MTUS2: variants seen among roughly 807,000 people sequenced by gnomAD.
MTUS2 encodes the protein microtubule associated scaffold protein 2.
MTUS2 carries 40 observed loss-of-function variants against 114.1 expected under a neutral mutation model. The ratio of observed to expected loss-of-function variants is 0.35; its 90% CI spans 0.27 to 0.46. The LOEUF is 0.46. MTUS2 is among the 20% of genes least tolerant of loss of function. The pLI is 1.00. For synonymous variants in MTUS2, 688 were observed against 672.0 expected, an observed-to-expected ratio of 1.02 and a Z score of -0.37; for missense variants, 1,679 against 1,705.4, an observed-to-expected ratio of 0.98 and a Z score of 0.27.
chr13:29,414,769 T>C (rs1875543906), intron 8 of MTUS2, among the ~76,000 whole-genome samples: 1 of 152,134 alleles, frequency 6.6e-6, no homozygotes, highest in Non-Finnish European at 1.5e-5. Flanking sequence ...GTAAGTCTAC[T>C]GGTTTTCTAT....
At chr13:28,861,703 T>C (rs1043074562) in intron 2 of MTUS2, among the ~76,000 whole-genome samples, 2 of 152,178 alleles carry the variant, frequency 1.3e-5, no homozygotes, top group African/African-American at 4.8e-5. Flanking sequence ...AGGCACTTGG[T>C]TGGTACTTAC....
intron 13 of MTUS2, 116 bp downstream of exon 13, chr13:29,497,452 G>A: frequency 1.2e-6 from 1 of 844,716 alleles, no homozygotes; most frequent in Non-Finnish European, 1.9e-6. Context: ...CGCTGCTGAA[G>A]TGACAGCTGG....
rs557474715 is a variant in MTUS2, at chr13:29,073,964, G to A, written c.2447-26809G>A. 3.3e-5 allele frequency among the ~76,000 whole-genome samples: 5 copies of A among 152,186 alleles called. No homozygotes were observed. The South Asian group carries it at 8.3e-4, about 25-fold the overall frequency. Reference sequence around the variant, plus strand: ...CAACTAATCATTCAGCAAGACCTGCGAATTCTGTAACTTAATCCATCCGCT... The same window carrying A: ...CAACTAATCATTCAGCAAGACCTGCAAATTCTGTAACTTAATCCATCCGCT... On this transcript the variant is annotated intron_variant, in intron 4 of 15. Transcript: ENST00000612955.
intron 5 of MTUS2, among the ~76,000 whole-genome samples, chr13:29,211,578 A>G (rs1895440271): frequency 1.3e-5 from 2 of 152,210 alleles, no homozygotes; most frequent in Admixed American, 6.5e-5. Flanking sequence ...CCTGAGAGAC[A>G]AAAGCAGAAA....
chr13:29,112,860 G>C (rs1311602296), intron 5 of MTUS2, among the ~76,000 whole-genome samples: 1 of 152,126 alleles, frequency 6.6e-6, no homozygotes, highest in Non-Finnish European at 1.5e-5. Context: ...TTTGTCCCAG[G>C]TAATTAAGAA....
chr13:29,024,481 T>A lies in MTUS2; in HGVS notation c.-218T>A. On this transcript the variant is annotated 5_prime_UTR_variant, in exon 3 of 16. Transcript: ENST00000612955. ...GGTCTCATGGACTGATTGGCTCTCA[T>A]TCAGCAGGAACCTAACAGATAAGTC... 5.2e-6 allele frequency: 3 copies of A among 572,598 alleles called. No homozygotes were observed. Among genetic ancestry groups the A allele is most frequent in the Non-Finnish European group, 9.1e-6 (3 of 328,872 alleles). The allele number at this position is 572,598 out of a possible 1,614,324, so 35.5% of individuals were successfully genotyped here.
At chr13:29,227,530 T>C (rs939122976) in intron 5 of MTUS2, among the ~76,000 whole-genome samples, 6 of 152,198 alleles carry the variant, frequency 3.9e-5, no homozygotes, top group African/African-American at 1.4e-4. Context: ...AGGCAATCTC[T>C]TGAATTTGCT....
chr13:29,298,295 G>C (rs895505474), intron 6 of MTUS2, among the ~76,000 whole-genome samples: 2 of 152,162 alleles, frequency 1.3e-5, no homozygotes, highest in African/African-American at 4.8e-5. Flanking sequence ...TATTATTTGA[G>C]TTCCTCTCTA....
intron 5 of MTUS2, among the ~76,000 whole-genome samples, chr13:29,185,882 G>A (rs559923731): frequency 5.3e-5 from 8 of 152,232 alleles, no homozygotes; most frequent in Admixed American, 4.6e-4. Context: ...GAATAAAAAG[G>A]ACATTATAGA....
chr13:29,017,859 C>T (rs760662817), intron 2 of MTUS2, among the ~76,000 whole-genome samples: 6 of 152,066 alleles, frequency 3.9e-5, no homozygotes, highest in African/African-American at 9.7e-5. Context: ...TTCAGCCTAG[C>T]GAGCTCATAA....
chr13:29,289,411 G>T (rs911701211), intron 6 of MTUS2, among the ~76,000 whole-genome samples: 1 of 152,044 alleles, frequency 6.6e-6, no homozygotes, highest in Non-Finnish European at 1.5e-5. Flanking sequence ...TACTCCATGG[G>T]GTTGTTCTGA....
At chr13:28,960,778 G>C (rs937276755) in intron 2 of MTUS2, among the ~76,000 whole-genome samples, 5 of 152,144 alleles carry the variant, frequency 3.3e-5, no homozygotes, top group Non-Finnish European at 5.9e-5. Flanking sequence ...TTAGGTAGTG[G>C]TAGTTGTTGC....
At chr13:29,396,752 T>C (rs1873943275) in intron 8 of MTUS2, among the ~76,000 whole-genome samples, 1 of 152,206 alleles carries the variant, frequency 6.6e-6, no homozygotes, top group African/African-American at 2.4e-5. Context: ...AAGGTTTTCA[T>C]CCTTGTTCAG....
At chr13:29,384,717 G>A (rs4769734) in intron 8 of MTUS2, among the ~76,000 whole-genome samples, 91,609 of 152,030 alleles carry the variant, frequency 0.6, 29,081 homozygotes, top group East Asian at 0.73. Context: ...CACTGCTGAC[G>A]TCCAATGCTT....
chr13:28,849,483 C>T (rs569480112), intron 2 of MTUS2, among the ~76,000 whole-genome samples: 2 of 152,322 alleles, frequency 1.3e-5, no homozygotes, highest in Admixed American at 1.3e-4. Context: ...GCAAACTCAA[C>T]ACAAACCTCT....
intron 5 of MTUS2, among the ~76,000 whole-genome samples, chr13:29,113,550 G>A (rs1404437609): frequency 2.0e-5 from 3 of 152,198 alleles, no homozygotes; most frequent in African/African-American, 4.8e-5. Flanking sequence ...TTGAAATGGG[G>A]CTGGCATAAC....
intron 11 of MTUS2, among the ~76,000 whole-genome samples, chr13:29,488,372 G>A (rs1035048961): frequency 6.6e-6 from 1 of 150,878 alleles, no homozygotes; most frequent in Non-Finnish European, 1.5e-5. Context: ...GGATTCTAAT[G>A]TGTAGCCACA....
At chr13:28,866,170 C>T (rs764357532) in intron 2 of MTUS2, among the ~76,000 whole-genome samples, 6 of 152,094 alleles carry the variant, frequency 3.9e-5, no homozygotes, top group Non-Finnish European at 8.8e-5. Context: ...TGCATGGGAG[C>T]ACATGTGAGC....
intron 4 of MTUS2, among the ~76,000 whole-genome samples, chr13:29,049,321 G>A (rs1161430613): frequency 6.6e-6 from 1 of 152,174 alleles, no homozygotes; most frequent in Non-Finnish European, 1.5e-5. Flanking sequence ...TAGTGCCAGG[G>A]AGGCTCCCAT....
Sources: allele counts gnomAD v4.1 joint callset (sites outside exome capture counted in the v4.1 genomes callset), GRCh38; gene constraint gnomAD v4.1.1; transcripts MANE v1.5; gene names NCBI Gene and HGNC (gene_info 2026-07-23, HGNC 2026-07-21).